Variants in KDM1A observed in about 807,000 individuals in gnomAD.
The protein encoded by KDM1A is lysine-specific histone demethylase 1A.
In KDM1A, 49 loss-of-function variants were observed where a neutral mutation model predicts 109.4. The observed-to-expected ratio is 0.45, with a 90% confidence interval of 0.36 to 0.57. KDM1A has a LOEUF of 0.57. Ranked by LOEUF, KDM1A falls within the 20% of genes least tolerant of loss-of-function variation. The pLI is 0.00. For synonymous variants in KDM1A, 380 were observed against 415.4 expected, an observed-to-expected ratio of 0.91 and a Z score of 1.04; for missense variants, 668 against 1,116.6, an observed-to-expected ratio of 0.60 and a Z score of 5.73.
At chr1:23,056,179 A>ATTTATATT (rs904715697) in intron 7 of KDM1A, 141 bp downstream of exon 7, 2 of 518,600 alleles carry the variant, frequency 3.9e-6, no homozygotes, top group African/African-American at 4.0e-5. Flanking sequence ...GGATAGTGTT[A>ATTTATATT]TTTATATTTT....
chr1:23,069,417 T>C (rs1557580973), intron 12 of KDM1A, among the ~76,000 whole-genome samples: 1 of 152,200 alleles, frequency 6.6e-6, no homozygotes, highest in Non-Finnish European at 1.5e-5. Context: ...GTCCAGTCTT[T>C]TGGCCTCCCT....
chr1:23,031,578 T>A (rs1641981654), intron 2 of KDM1A, among the ~76,000 whole-genome samples: 1 of 127,456 alleles, frequency 7.8e-6, no homozygotes, highest in Non-Finnish European at 1.6e-5. Flanking sequence ...TGTTTTAGCC[T>A]TTTTTTTTTA....
chr1:23,065,445 A>G (rs898258344), intron 9 of KDM1A, among the ~76,000 whole-genome samples: 4 of 152,198 alleles, frequency 2.6e-5, no homozygotes, highest in Non-Finnish European at 4.4e-5. Context: ...TATTTTATGT[A>G]TTATTTTCCA....
chr1:23,029,338 T>C (rs1024296475), intron 1 of KDM1A, among the ~76,000 whole-genome samples: 41 of 152,340 alleles, frequency 2.7e-4, no homozygotes, highest in African/African-American at 9.6e-4. Context: ...TAATAATAAT[T>C]AGAATTTTTT....
At chr1:23,032,358 C>CT (rs548990810) in intron 2 of KDM1A, among the ~76,000 whole-genome samples, 203 of 137,290 alleles carry the variant, frequency 1.5e-3, no homozygotes, top group African/African-American at 3.2e-3. Flanking sequence ...TTTCTGAAAG[C>CT]TTTTTTTTTT....
At chr1:23,076,539 G>A (rs1643470192) in intron 15 of KDM1A, among the ~76,000 whole-genome samples, 1 of 152,132 alleles carries the variant, frequency 6.6e-6, no homozygotes, top group African/African-American at 2.4e-5. Context: ...AGTCTGTAAT[G>A]TATTCAAAAG....
chr1:23,044,095 G>A (rs566062240), intron 2 of KDM1A, among the ~76,000 whole-genome samples: 67 of 152,272 alleles, frequency 4.4e-4, no homozygotes, highest in African/African-American at 1.4e-3. Context: ...TCTAGCAGCC[G>A]TTAGTAAAAG....
chr1:23,039,867 A>G (rs1642255852), intron 2 of KDM1A, among the ~76,000 whole-genome samples: 1 of 152,208 alleles, frequency 6.6e-6, no homozygotes, highest in Non-Finnish European at 1.5e-5. Flanking sequence ...AAGCTTTTTG[A>G]AAACAGAGAG....
At chr1:23,073,233 C>T (rs760909525) in intron 14 of KDM1A, 59 bp from the exon 15 acceptor site, 1 of 898,902 alleles carries the variant, frequency 1.1e-6, no homozygotes, top group South Asian at 1.4e-5. Context: ...TCACCTACAT[C>T]ACACTGAGAG....
At chr1:23,070,582 G>A (rs963493169) in intron 12 of KDM1A, among the ~76,000 whole-genome samples, 1 of 152,158 alleles carries the variant, frequency 6.6e-6, no homozygotes, top group African/African-American at 2.4e-5. Context: ...GCCGAGGAGG[G>A]CAGATCACGA....
intron 2 of KDM1A, among the ~76,000 whole-genome samples, chr1:23,042,440 A>ATTATTATTTTTTTTT (rs1553127465): frequency 7.0e-4 from 15 of 21,560 alleles, no homozygotes; most frequent in African/African-American, 1.1e-3. Flanking sequence ...GAAATATATT[A>ATTATTATTTTTTTTT]TTTTTTTTTT....
In KDM1A at chr1:23,063,196, T is replaced by TGC. The variant is rs1553130154; in HGVS notation, c.1168-2863_1168-2862insCG. 3.3e-4 allele frequency among the ~76,000 whole-genome samples: 13 copies of TGC among 39,396 alleles called. No homozygotes were observed. In the East Asian group the frequency reaches 9.8e-3, roughly 30 times the overall value. The allele number at this position is 39,396 out of a possible 152,430, so 25.8% of individuals were successfully genotyped here. A position where few individuals can be genotyped will look rare whatever the true frequency, so the allele number is the denominator to read the frequency against. On this transcript the variant is annotated intron_variant, in intron 9 of 20. Transcript: ENST00000400181. ...TCAAATTCCCACAGTGCTGTAGCAT[T>TGC]GGGGGGGGGGTGTGGTGTGGGGTGG...
chr1:23,064,625 TAGAA>T (rs1198804006), intron 9 of KDM1A, among the ~76,000 whole-genome samples: 2 of 152,214 alleles, frequency 1.3e-5, no homozygotes, highest in African/African-American at 4.8e-5. Flanking sequence ...ATACCAGAGG[TAGAA>T]AGAACTAAAG....
chr1:23,047,511 T>G (rs1053804269), intron 3 of KDM1A, among the ~76,000 whole-genome samples: 1 of 152,222 alleles, frequency 6.6e-6, no homozygotes, highest in African/African-American at 2.4e-5. Flanking sequence ...TAAAAATACT[T>G]TGAAACTGCT....
chr1:23,034,159 A>G (rs1245047602), intron 2 of KDM1A, among the ~76,000 whole-genome samples: 1 of 152,160 alleles, frequency 6.6e-6, no homozygotes, highest in Non-Finnish European at 1.5e-5. Context: ...GATTTTTCAT[A>G]CCAAATATTA....
intron 18 of KDM1A, 108 bp from the exon 19 acceptor site, chr1:23,081,338 G>A: frequency 1.6e-6 from 2 of 1,268,976 alleles, no homozygotes; most frequent in Non-Finnish European, 2.3e-6. Context: ...TACTGCGTGT[G>A]TCTTGTCATC....
At chr1:23,061,524 G>A (rs2124485958) in intron 9 of KDM1A, among the ~76,000 whole-genome samples, 1 of 152,274 alleles carries the variant, frequency 6.6e-6, no homozygotes, top group South Asian at 2.1e-4. Flanking sequence ...TCTCAAATTT[G>A]GGAAGGGATT....
At chr1:23,021,247 GA>G (rs1641618934) in intron 1 of KDM1A, among the ~76,000 whole-genome samples, 1 of 152,184 alleles carries the variant, frequency 6.6e-6, no homozygotes, top group Non-Finnish European at 1.5e-5. Flanking sequence ...GCATGGGTTA[GA>G]AAAGCACAGA....
chr1:23,038,040 AC>A (rs1642200182), intron 2 of KDM1A, among the ~76,000 whole-genome samples: 1 of 152,178 alleles, frequency 6.6e-6, no homozygotes, highest in Non-Finnish European at 1.5e-5. Context: ...AAAATGCGAA[AC>A]CCACCTTTAT....
Sources: allele counts gnomAD v4.1 joint callset (sites outside exome capture counted in the v4.1 genomes callset), GRCh38; gene constraint gnomAD v4.1.1; transcripts MANE v1.5; gene names NCBI Gene and HGNC (gene_info 2026-07-23, HGNC 2026-07-21).